PRKCH: variants seen among roughly 807,000 people sequenced by gnomAD.
The protein encoded by PRKCH is protein kinase C eta.
PRKCH carries 28 observed loss-of-function variants against 82.5 expected under a neutral mutation model. That is an observed-to-expected ratio of 0.34 (90% CI 0.25 to 0.47). The LOEUF (loss-of-function observed/expected upper bound fraction) is 0.47. Ranked by LOEUF, PRKCH falls within the 20% of genes least tolerant of loss-of-function variation. PRKCH has a pLI of 1.00. For missense variants in PRKCH, 705 were observed against 881.8 expected (o/e 0.80, Z 2.54); for synonymous variants, 322 against 327.4 (o/e 0.98, Z 0.18).
In PRKCH at chr14:61,321,729, T is replaced by C. The variant is rs2045626354; in HGVS notation, c.-373T>C. The C allele has an allele frequency of 6.1e-6, 1 of 164,110 alleles. No individual in the cohort carries two copies. The highest frequency in any genetic ancestry group is 1.3e-5 in the Non-Finnish European group (1 of 76,124). The allele number at this position is 164,110 out of a possible 1,614,324, so 10.2% of individuals were successfully genotyped here. A position where few individuals can be genotyped will look rare whatever the true frequency, so the allele number is the denominator to read the frequency against. ...CAAGAGGAGGCGGGGGAAGAGACGCTTGGGGCTGGGGCTCACCGGACGGGT... is the reference window on the plus strand; with the variant it reads ...CAAGAGGAGGCGGGGGAAGAGACGCCTGGGGCTGGGGCTCACCGGACGGGT... On this transcript the variant is annotated 5_prime_UTR_variant, in exon 1 of 14. Transcript: ENST00000332981. This position sits in a 1 kb window ranked among gnomAD's most constrained non-coding sequence, Gnocchi z 4.1.
In PRKCH at chr14:61,463,452, GT is replaced by G. The variant is rs1257851688; in HGVS notation, c.1278+5776del. ...ATAATTTATCAAGATTGCTACAAAG[GT>G]TTATGAACCCATAGATTATTTCCCC... On this transcript the variant is annotated intron_variant, in intron 9 of 13. Transcript: ENST00000332981. The G allele has an allele frequency of 3.3e-5, 5 of 151,992 alleles. No homozygotes were observed. The East Asian group carries it at 9.6e-4, about 29-fold the overall frequency. The allele number at this position is 151,992 out of a possible 1,614,324, so 9.4% of individuals were successfully genotyped here.
chr14:61,517,458 G>T (rs1330119083), intron 10 of PRKCH, among the ~76,000 whole-genome samples: 1 of 152,250 alleles, frequency 6.6e-6, no homozygotes, highest in Non-Finnish European at 1.5e-5. Flanking sequence ...GAGGGGACCA[G>T]GATGGGTAGA....
intron 2 of PRKCH, among the ~76,000 whole-genome samples, chr14:61,434,046 A>G (rs889584003): frequency 6.6e-6 from 1 of 152,234 alleles, no homozygotes; most frequent in African/African-American, 2.4e-5. Context: ...ACCACATCAT[A>G]GCTACGTTGT....
At chr14:61,374,466 A>G (rs369358787) in intron 1 of PRKCH, among the ~76,000 whole-genome samples, 4 of 152,180 alleles carry the variant, frequency 2.6e-5, no homozygotes, top group East Asian at 3.9e-4. Flanking sequence ...GAGGTTCACC[A>G]TGAGGGCTCC....
chr14:61,418,701 A>T (rs1882684878), intron 2 of PRKCH, among the ~76,000 whole-genome samples: 1 of 152,140 alleles, frequency 6.6e-6, no homozygotes, highest in African/African-American at 2.4e-5. Flanking sequence ...GAATTAGTAA[A>T]TAGATAGTTC....
intron 10 of PRKCH, among the ~76,000 whole-genome samples, chr14:61,510,744 A>G (rs1887343585): frequency 1.3e-5 from 2 of 152,100 alleles, no homozygotes; most frequent in Non-Finnish European, 2.9e-5. Context: ...CAAGCAGGGC[A>G]ACTGTGCACA....
rs562000178 is a variant in PRKCH at position 61,428,408 on chromosome 14, C to A, written c.428-14703C>A. ...AGGATATAATGAGGCATGTCTGACT[C>A]CCTCTTTGCGTCATGGCTTTCACTA... On this transcript the variant is annotated intron_variant, in intron 2 of 13. Coordinates refer to ENST00000332981, the MANE Select transcript of PRKCH (RefSeq NM_006255.5). 3.3e-5 allele frequency among the ~76,000 whole-genome samples: 5 copies of A among 152,178 alleles called. No homozygotes were observed. In the South Asian group the frequency reaches 8.3e-4, roughly 25 times the overall value.
intron 1 of PRKCH, among the ~76,000 whole-genome samples, chr14:61,210,307 C>T (rs1039342859): frequency 1.3e-4 from 19 of 151,416 alleles, no homozygotes; most frequent in East Asian, 3.9e-4. Flanking sequence ...GAGCTAGACT[C>T]GGTCTCAGAA....
intron 2 of PRKCH, among the ~76,000 whole-genome samples, chr14:61,395,379 G>T (rs368453602): frequency 5.3e-5 from 8 of 151,086 alleles, no homozygotes; most frequent in Admixed American, 4.6e-4. Context: ...GCTCCTGGAA[G>T]CCACCTTAGA....
intron 12 of PRKCH, among the ~76,000 whole-genome samples, chr14:61,533,328 ATTT>A (rs5809103): frequency 1.4e-5 from 2 of 143,560 alleles, no homozygotes; most frequent in African/African-American, 2.6e-5. Context: ...GATTTCTGGG[ATTT>A]TTTTTTTTTT....
At chr14:61,249,612 AT>A (rs957750204) in intron 1 of PRKCH, among the ~76,000 whole-genome samples, 7 of 150,600 alleles carry the variant, frequency 4.6e-5, no homozygotes, top group African/African-American at 1.5e-4. Flanking sequence ...CCAATGGCAA[AT>A]TTTTTTTTAT....
chr14:61,285,611 T>A (rs570023768), intron 1 of PRKCH, among the ~76,000 whole-genome samples: 3 of 152,342 alleles, frequency 2.0e-5, no homozygotes, highest in South Asian at 2.1e-4. Context: ...GTACTTACAG[T>A]CACTGCGTAA....
At chr14:61,545,961 A>G (rs1447624192) in intron 12 of PRKCH, among the ~76,000 whole-genome samples, 1 of 152,154 alleles carries the variant, frequency 6.6e-6, no homozygotes. Flanking sequence ...CCTCTCTCAC[A>G]TCATTGGCAG....
At chr14:61,445,579 C>G (rs1884181027) in intron 3 of PRKCH, 113 bp from the exon 4 acceptor site, 6 of 954,952 alleles carry the variant, frequency 6.3e-6, no homozygotes, top group Non-Finnish European at 8.4e-6. Context: ...TGCTTCTTCC[C>G]TGAAATTGTG....
chr14:61,445,635 T>A, intron 3 of PRKCH, 57 bp from the exon 4 acceptor site: 2 of 1,486,114 alleles, frequency 1.3e-6, no homozygotes, highest in East Asian at 4.5e-5. Flanking sequence ...CCTTAAGGAC[T>A]ATAAGAGGGT....
intron 1 of PRKCH, chr14:61,281,125 C>A (rs1213707273): frequency 7.1e-7 from 1 of 1,404,448 alleles, no homozygotes; most frequent in Middle Eastern, 2.3e-4. Flanking sequence ...GTGGGCGCCC[C>A]GGGCCGTGGC....
At chr14:61,391,319 T>C (rs369003455) in intron 2 of PRKCH, 31 bp downstream of exon 2, 33 of 1,551,074 alleles carry the variant, frequency 2.1e-5, no homozygotes, top group Non-Finnish European at 2.9e-5. Flanking sequence ...GTTTCCAGAA[T>C]ACATGTAATC....
chr14:61,339,358 C>G (rs953940909), intron 1 of PRKCH, among the ~76,000 whole-genome samples: 9 of 150,456 alleles, frequency 6.0e-5, no homozygotes, highest in African/African-American at 2.0e-4. Flanking sequence ...GAGTCTCACT[C>G]TGTCGCCCAG....
intron 9 of PRKCH, chr14:61,463,282 C>T (rs1054562520): frequency 1.3e-5 from 2 of 152,222 alleles, no homozygotes; most frequent in African/African-American, 4.8e-5. Flanking sequence ...TCCATCCTCA[C>T]ACCAAAGGAA....
Sources: gnomAD v4.1 joint callset for allele counts (sites outside exome capture counted in the v4.1 genomes callset) on GRCh38, gnomAD v4.1.1 for gene constraint, Gnocchi (gnomAD v3.1) non-coding constraint, MANE v1.5 for transcripts, NCBI Gene and HGNC (gene_info 2026-07-23, HGNC 2026-07-21) for gene names.